Variants in VIPR1 observed in about 807,000 individuals in gnomAD.
The protein encoded by VIPR1 is vasoactive intestinal polypeptide receptor 1.
A neutral mutation model predicts 58.8 loss-of-function variants in VIPR1; 59 were observed. The observed-to-expected ratio is 1.00, with a 90% CI of 0.81 to 1.25. The LOEUF is 1.25. Among genes scored for constraint, VIPR1 ranks in the 50% most tolerant of loss-of-function variants. The pLI, the probability that VIPR1 is intolerant of heterozygous loss-of-function variation, is 0.00. For synonymous variants in VIPR1, 251 were observed against 242.1 expected (o/e 1.04, Z -0.34); for missense variants, 626 against 602.7 (o/e 1.04, Z -0.40).
intron 12 of VIPR1, among the ~76,000 whole-genome samples, 169 bp downstream of exon 12, chr3:42,535,553 A>C (rs1269095478): frequency 6.6e-6 from 1 of 152,336 alleles, no homozygotes; most frequent in African/African-American, 2.4e-5. Context: ...AAAAATGCGC[A>C]TCTCTGGGAC....
At chr3:42,530,475 A>G in intron 6 of VIPR1, 1 of 303,894 alleles carries the variant, frequency 3.3e-6, no homozygotes, top group Non-Finnish European at 6.2e-6. Flanking sequence ...GGGTAAATAA[A>G]TGGATACATG....
chr3:42,491,435 G>A (rs1699663053), intron 1 of VIPR1, among the ~76,000 whole-genome samples: 1 of 152,204 alleles, frequency 6.6e-6, no homozygotes, highest in Non-Finnish European at 1.5e-5. Context: ...TGGTAGATCT[G>A]TAATTGGATT....
At chr3:42,535,767 C>CA (rs1246386747) in intron 12 of VIPR1, among the ~76,000 whole-genome samples, 9 of 151,998 alleles carry the variant, frequency 5.9e-5, no homozygotes, top group African/African-American at 2.2e-4. Context: ...TTACATTGCA[C>CA]AAAAAACCCA....
chr3:42,522,097 ATATATTTTTTT>A (rs1559489526), intron 3 of VIPR1, among the ~76,000 whole-genome samples: 2 of 44,156 alleles, frequency 4.5e-5, no homozygotes, highest in East Asian at 7.5e-4. Context: ...ATATATATAT[ATATATTTTTTT>A]TTTTTTTTTT....
At chr3:42,512,073 C>T (rs531517394) in intron 1 of VIPR1, 1 of 152,356 alleles carries the variant, frequency 6.6e-6, no homozygotes, top group East Asian at 1.9e-4. Flanking sequence ...AATGTCTTTA[C>T]CCCCATTGGC....
intron 7 of VIPR1, chr3:42,531,260 G>T: frequency 3.2e-6 from 2 of 625,358 alleles, no homozygotes; most frequent in Non-Finnish European, 2.8e-6. Context: ...GTCCGTCTAG[G>T]TAGACACAGC....
chr3:42,506,114 G>C (rs1480501083), intron 1 of VIPR1, among the ~76,000 whole-genome samples: 1 of 152,216 alleles, frequency 6.6e-6, no homozygotes, highest in Non-Finnish European at 1.5e-5. Flanking sequence ...AGGTTCCCAG[G>C]GCAGCAGGAG....
chr3:42,523,530 T>C (rs1701063656), intron 3 of VIPR1, among the ~76,000 whole-genome samples: 1 of 152,032 alleles, frequency 6.6e-6, no homozygotes, highest in African/African-American at 2.4e-5. Context: ...GGGATCCCCA[T>C]TTTTTGATGG....
chr3:42,522,097 ATATATTTTTTTTTTTTTTT>A (rs1559489542), intron 3 of VIPR1, among the ~76,000 whole-genome samples: 1 of 44,144 alleles, frequency 2.3e-5, no homozygotes, highest in Non-Finnish European at 3.5e-5. Context: ...ATATATATAT[ATATATTTTTTTTTTTTTTT>A]TTTTTTTTTT....
rs776699591 is a variant in VIPR1 at position 42,531,521 on chromosome 3, G to A, written c.841G>A (p.Glu281Lys). The A allele has an allele frequency of 6.4e-5, 102 of 1,596,760 alleles. No homozygotes were observed. The highest frequency in any genetic ancestry group is 8.5e-5 in the Non-Finnish European group (100 of 1,171,088). ...GTGGACCATCGCCAGGATCCATTTTGAGGATTATGGGTGAGCTGCTGCCCC... is the reference window on the plus strand; with the variant it reads ...GTGGACCATCGCCAGGATCCATTTTAAGGATTATGGGTGAGCTGCTGCCCC... ...MVWTIARIHF[E>K]DYGCWDTINS... Residue 281 changes from glutamate (E) to lysine (K), a missense_variant, in exon 8 of 13, where the codon GAG (glutamate) becomes AAG (lysine). Glu to Lys is a moderately conservative substitution (Grantham distance 56). Coordinates refer to ENST00000325123, the MANE Select transcript of VIPR1 (RefSeq NM_004624.4).
chr3:42,514,273 A>G (rs1019908545), intron 2 of VIPR1, among the ~76,000 whole-genome samples: 1 of 152,062 alleles, frequency 6.6e-6, no homozygotes, highest in African/African-American at 2.4e-5. Flanking sequence ...AATTAGCCCC[A>G]TAACACCACA....
intron 1 of VIPR1, among the ~76,000 whole-genome samples, chr3:42,495,711 C>T (rs1157702992): frequency 6.6e-6 from 1 of 151,988 alleles, no homozygotes. Flanking sequence ...TGTGAACTGC[C>T]TACAGAGAGA....
intron 1 of VIPR1, among the ~76,000 whole-genome samples, chr3:42,493,995 G>A (rs1006068797): frequency 2.0e-5 from 3 of 152,162 alleles, no homozygotes; most frequent in African/African-American, 7.2e-5. Context: ...ACCCGTCCTG[G>A]GCCCAGGTCC....
chr3:42,523,084 A>ACCC (rs145372341), intron 3 of VIPR1, among the ~76,000 whole-genome samples: 1,882 of 144,876 alleles, frequency 0.013, 109 homozygotes, highest in African/African-American at 0.048. Flanking sequence ...GCATGCCCTG[A>ACCC]CCCCGCCCCC....
At chr3:42,512,848 T>A (rs1160404876) in intron 1 of VIPR1, 3 of 985,356 alleles carry the variant, frequency 3.0e-6, no homozygotes, top group Non-Finnish European at 3.6e-6. Flanking sequence ...GCTTCCTCCA[T>A]GGAGGCCTTC....
chr3:42,516,085 G>A (rs982009370), intron 2 of VIPR1, among the ~76,000 whole-genome samples: 1 of 152,160 alleles, frequency 6.6e-6, no homozygotes, highest in Admixed American at 6.5e-5. Flanking sequence ...GTGTATCTCT[G>A]TGTGCACACA....
At position 42,502,697 on chromosome 3, in the gene VIPR1, G is replaced by A; in HGVS notation, c.-39G>A. On this transcript the variant is annotated 5_prime_UTR_variant, in exon 1 of 13. Transcript: ENST00000325123. ...CTGGTGCGCCGCCCGCCAGCTCTTT[G>A]CCCGCGCGGGGCCGCCCGCCGCGGG... 7.9e-7 allele frequency: 1 copy of A among 1,273,790 alleles called. No homozygotes were observed. The allele number at this position is 1,273,790 out of a possible 1,614,324, so 78.9% of individuals were successfully genotyped here.
At position 42,536,523 on chromosome 3, in the gene VIPR1, T is replaced by TG. The variant is rs1701859860; in HGVS notation, c.*242_*243insG. On this transcript the variant is annotated 3_prime_UTR_variant, in exon 13 of 13. Transcript: ENST00000325123. ...TCTCCTGGAGGATTGCAGGTGGAAC[T>TG]CAGTCATTAGACTCCTCCTCCAAAG... is the stretch of plus-strand genomic sequence containing the variant. 1.1e-5 allele frequency: 5 copies of TG among 440,292 alleles called. No homozygotes were observed. The South Asian group carries it at 2.6e-4, about 23-fold the overall frequency. 27.3% of individuals were successfully genotyped at this position (440,292 alleles called of 1,614,324 possible).
intron 4 of VIPR1, among the ~76,000 whole-genome samples, chr3:42,526,230 A>T (rs374140565): frequency 4.3e-4 from 65 of 152,326 alleles, no homozygotes; most frequent in African/African-American, 1.5e-3. Flanking sequence ...CAAAAGCTGA[A>T]GCAGCTCCCC....
Sources: gnomAD v4.1 joint callset for allele counts (sites outside exome capture counted in the v4.1 genomes callset) on GRCh38, gnomAD v4.1.1 for gene constraint, MANE v1.5 for transcripts, NCBI Gene and HGNC (gene_info 2026-07-23, HGNC 2026-07-21) for gene names.